Variants in SRD5A2 observed in about 807,000 individuals in gnomAD.
SRD5A2 encodes 3-oxo-5-alpha-steroid 4-dehydrogenase 2.
In SRD5A2, 30 loss-of-function variants were observed where a neutral mutation model predicts 27.4. The ratio of observed to expected loss-of-function variants is 1.10; its 90% CI spans 0.82 to 1.49. SRD5A2 has a LOEUF of 1.49. Ranked by LOEUF, SRD5A2 falls within the 40% of genes most tolerant of loss-of-function variation. The pLI is 0.00. For synonymous variants in SRD5A2, 141 were observed against 133.6 expected (o/e 1.06, Z -0.38); for missense variants, 348 against 323.4 (o/e 1.08, Z -0.58).
In SRD5A2 at chr2:31,526,106, G is replaced by GATATATATATAT. The variant is rs1553322989; in HGVS notation, c.*89_*90insATATATATATAT. The GATATATATATAT allele has an allele frequency of 2.5e-6, 2 of 806,598 alleles. No homozygotes were observed. The highest frequency in any genetic ancestry group is 4.3e-5 in the African/African-American group (2 of 46,228). The allele number at this position is 806,598 out of a possible 1,614,324, so 50.0% of individuals were successfully genotyped here. On this transcript the variant is annotated 3_prime_UTR_variant, in exon 5 of 5. Coordinates refer to ENST00000622030, the MANE Select transcript of SRD5A2 (RefSeq NM_000348.4). ...GGAGACCTACTATTACATATATACG[G>GATATATATATAT]GACTATTATATCATGAAAATTACAG...
the SRD5A2 span, among the ~76,000 whole-genome samples, chr2:31,593,052 T>C: frequency 4.9e-4 from 75 of 152,130 alleles, no homozygotes; most frequent in African/African-American, 1.7e-3. Context: ...TAGATGGGAA[T>C]TGAACAATGA....
the SRD5A2 span, among the ~76,000 whole-genome samples, chr2:31,616,121 T>C: frequency 6.6e-6 from 1 of 151,904 alleles, no homozygotes; most frequent in Non-Finnish European, 1.5e-5. Flanking sequence ...GTCAAGAATT[T>C]AGGTTTGGGA....
chr2:31,555,860 C>T lies in SRD5A2; in HGVS notation c.282-22094G>A, dbSNP rs147653411. Reference sequence around the variant, plus strand: ...GTCATGCAGCCTGTAGTCCTAGCTACTCGGGAGGGTAAAGTAGGAAGATCT... The same window carrying T: ...GTCATGCAGCCTGTAGTCCTAGCTATTCGGGAGGGTAAAGTAGGAAGATCT... On this transcript the variant is annotated intron_variant, in intron 1 of 4. Transcript: ENST00000622030. 6.2e-3 allele frequency among the ~76,000 whole-genome samples: 945 copies of T among 152,208 alleles called. 4 individuals are homozygous for T. The highest frequency in any genetic ancestry group is 0.01 in the Admixed American group (157 of 15,280).
chr2:31,544,322 A>C (rs1263914480), intron 1 of SRD5A2, among the ~76,000 whole-genome samples: 1 of 151,990 alleles, frequency 6.6e-6, no homozygotes, highest in Non-Finnish European at 1.5e-5. Flanking sequence ...TTAACACAAT[A>C]AACCAACTAG....
At chr2:31,625,493 G>C in the SRD5A2 span, among the ~76,000 whole-genome samples, 7,476 of 152,172 alleles carry the variant, frequency 0.049, 309 homozygotes, top group Admixed American at 0.13. Context: ...TATGGTTTTA[G>C]GTCTAACATT....
chr2:31,555,378 C>T (rs147394991), intron 1 of SRD5A2, among the ~76,000 whole-genome samples: 7 of 152,208 alleles, frequency 4.6e-5, no homozygotes, highest in East Asian at 1.9e-4. Context: ...CCAAGGTCCT[C>T]GGCCAAACAG....
chr2:31,534,541 C>A (rs1665985674), intron 1 of SRD5A2, among the ~76,000 whole-genome samples: 1 of 152,174 alleles, frequency 6.6e-6, no homozygotes, highest in South Asian at 2.1e-4. Context: ...GCTTTGAAAA[C>A]TGATATTTGA....
At chr2:31,591,736 A>G in the SRD5A2 span, among the ~76,000 whole-genome samples, 27 of 84,978 alleles carry the variant, frequency 3.2e-4, no homozygotes, top group African/African-American at 1.3e-3. Context: ...GCACATATAC[A>G]ACATGGAATA....
At chr2:31,533,206 T>C (rs910809527) in intron 2 of SRD5A2, among the ~76,000 whole-genome samples, 3 of 152,070 alleles carry the variant, frequency 2.0e-5, no homozygotes, top group African/African-American at 4.8e-5. Context: ...AACAGTCCTA[T>C]ACAAAAACAC....
At chr2:31,606,543 A>G in the SRD5A2 span, among the ~76,000 whole-genome samples, 1 of 151,894 alleles carries the variant, frequency 6.6e-6, no homozygotes, top group Non-Finnish European at 1.5e-5. Flanking sequence ...CCTTCCCAGC[A>G]TCTGAGTGTG....
intron 1 of SRD5A2, among the ~76,000 whole-genome samples, chr2:31,564,059 C>A (rs1457337745): frequency 6.6e-6 from 1 of 151,672 alleles, no homozygotes; most frequent in Admixed American, 6.6e-5. Flanking sequence ...ACCAGGCATG[C>A]AAAAAGGGAG....
chr2:31,620,577 G>C, the SRD5A2 span, among the ~76,000 whole-genome samples: 2 of 151,552 alleles, frequency 1.3e-5, no homozygotes, highest in African/African-American at 4.8e-5. Flanking sequence ...TTATTGTGGT[G>C]GTCTGGAATT....
the SRD5A2 span, among the ~76,000 whole-genome samples, chr2:31,645,566 T>C: frequency 3.3e-5 from 5 of 152,180 alleles, no homozygotes; most frequent in African/African-American, 1.2e-4. Context: ...ATCTTTTATT[T>C]GTAGAAATGA....
the SRD5A2 span, among the ~76,000 whole-genome samples, chr2:31,654,350 C>T: frequency 2.6e-5 from 4 of 152,148 alleles, no homozygotes; most frequent in Non-Finnish European, 1.5e-5. Flanking sequence ...AACCTGCATC[C>T]TTTATTTACA....
chr2:31,586,430 G>A, the SRD5A2 span, among the ~76,000 whole-genome samples: 1 of 152,158 alleles, frequency 6.6e-6, no homozygotes, highest in Non-Finnish European at 1.5e-5. Context: ...CCAGGGAGTG[G>A]TTACAGCAGG....
At chr2:31,543,800 G>A (rs1246181217) in intron 1 of SRD5A2, among the ~76,000 whole-genome samples, 1 of 152,114 alleles carries the variant, frequency 6.6e-6, no homozygotes, top group East Asian at 1.9e-4. Context: ...GTTATACGGT[G>A]TAGAGAAAAC....
intron 3 of SRD5A2, among the ~76,000 whole-genome samples, chr2:31,529,660 C>G (rs190334852): frequency 6.6e-6 from 1 of 152,170 alleles, no homozygotes; most frequent in Non-Finnish European, 1.5e-5. Context: ...GGAGAACATT[C>G]TGGAGTTGCG....
chr2:31,639,233 G>A, the SRD5A2 span, among the ~76,000 whole-genome samples: 6 of 151,954 alleles, frequency 3.9e-5, no homozygotes, highest in South Asian at 4.2e-4. Context: ...CTCCATCCCC[G>A]CCCAACTCCC....
intron 1 of SRD5A2, among the ~76,000 whole-genome samples, chr2:31,540,454 T>G (rs930934577): frequency 6.6e-6 from 1 of 152,068 alleles, no homozygotes; most frequent in Non-Finnish European, 1.5e-5. Context: ...GACAAGAAAC[T>G]CACTCAAATA....
Sources: allele counts gnomAD v4.1 joint callset (sites outside exome capture counted in the v4.1 genomes callset), GRCh38; gene constraint gnomAD v4.1.1; transcripts MANE v1.5; gene names NCBI Gene and HGNC (gene_info 2026-07-23, HGNC 2026-07-21).